Variants in RAB3B observed in about 807,000 individuals in gnomAD.
The protein encoded by RAB3B is ras-related protein Rab-3B.
RAB3B carries 11 observed loss-of-function variants against 20.5 expected under a neutral mutation model. That is an observed-to-expected ratio of 0.54 (90% CI 0.34 to 0.89). The LOEUF is 0.89. Among genes scored for constraint, RAB3B ranks in the 40% least tolerant of loss-of-function variants. The pLI, the probability that RAB3B is intolerant of heterozygous loss-of-function variation, is 0.02. For missense variants in RAB3B, 225 were observed against 280.9 expected, an observed-to-expected ratio of 0.80 and a Z score of 1.42; for synonymous variants, 99 against 106.3, an observed-to-expected ratio of 0.93 and a Z score of 0.42.
rs115079190 is a variant in RAB3B, at chr1:51,953,617, A to G, written c.229-16205T>C. ...TCAGGAGTTCGAGACCAGCCTGACC[A>G]ACATACTAACACGTCTCTACTAAAA... On this transcript the variant is annotated intron_variant, in intron 2 of 4. Coordinates refer to ENST00000371655, the MANE Select transcript of RAB3B (RefSeq NM_002867.4). Among the ~76,000 whole-genome samples the G allele has an allele frequency of 6.3e-3, 958 of 152,322 alleles. 9 individuals are homozygous for G. The highest frequency in any genetic ancestry group is 0.022 in the African/African-American group (907 of 41,562).
chr1:51,981,423 A>G (rs770156949), intron 1 of RAB3B, among the ~76,000 whole-genome samples: 7 of 152,170 alleles, frequency 4.6e-5, no homozygotes, highest in Non-Finnish European at 1.0e-4. Flanking sequence ...CTGATTCCTG[A>G]TCCAGTTCCC....
chr1:51,935,986 A>T (rs1239509162), intron 3 of RAB3B, among the ~76,000 whole-genome samples: 1 of 152,178 alleles, frequency 6.6e-6, no homozygotes, highest in Non-Finnish European at 1.5e-5. Context: ...TGCAGCAGGC[A>T]GCCCACAAGG....
intron 4 of RAB3B, among the ~76,000 whole-genome samples, chr1:51,920,921 T>G (rs997317393): frequency 1.2e-4 from 18 of 152,072 alleles, no homozygotes; most frequent in African/African-American, 4.3e-4. Flanking sequence ...ATCCAATAGA[T>G]CTCACCCTCC....
intron 2 of RAB3B, among the ~76,000 whole-genome samples, chr1:51,944,366 C>G (rs1328863957): frequency 6.6e-6 from 1 of 152,148 alleles, no homozygotes; most frequent in Admixed American, 6.6e-5. Context: ...TGGAGATATA[C>G]AAGGAGATTA....
chr1:51,930,657 T>A (rs1210207944), intron 4 of RAB3B, among the ~76,000 whole-genome samples: 2 of 152,204 alleles, frequency 1.3e-5, no homozygotes, highest in East Asian at 3.8e-4. Flanking sequence ...TTTGAAACAC[T>A]TAGAATAAAT....
chr1:51,928,751 T>C (rs1485471058), intron 4 of RAB3B, among the ~76,000 whole-genome samples: 1 of 152,234 alleles, frequency 6.6e-6, no homozygotes, highest in African/African-American at 2.4e-5. Context: ...TTAGTCCCTG[T>C]GCCATGGCCT....
intron 4 of RAB3B, among the ~76,000 whole-genome samples, chr1:51,922,783 G>A (rs1684189799): frequency 6.6e-6 from 1 of 151,884 alleles, no homozygotes; most frequent in South Asian, 2.1e-4. Context: ...TGCAACCTCT[G>A]CCTCCCGGGT....
In RAB3B at chr1:51,976,880, C is replaced by T. The variant is rs759009798; in HGVS notation, c.228+10G>A. The stretch of plus-strand genomic sequence containing the variant: ...TCAGGAAAATCCTGCCCAAGATTCC[C>T]GGGACTCACCCAGATCTGCAGTTTC... On this transcript the variant is annotated intron_variant, in intron 2 of 4. Transcript: ENST00000371655. 33 of 1,611,270 alleles carry T rather than the reference C, an allele frequency of 2.0e-5. No individual in the cohort carries two copies. Among genetic ancestry groups the T allele is most frequent in the Admixed American group, 1.8e-4 (11 of 59,992 alleles).
At chr1:51,976,363 C>T (rs1263045614) in intron 2 of RAB3B, among the ~76,000 whole-genome samples, 1 of 152,020 alleles carries the variant, frequency 6.6e-6, no homozygotes, top group Non-Finnish European at 1.5e-5. Flanking sequence ...GATGAGGTCT[C>T]ACAATGTTGC....
rs575321952 is a variant in RAB3B at position 51,954,945 on chromosome 1, T to C, written c.229-17533A>G. Reference sequence around the variant, plus strand: ...TGAATGCCAGGTCAAGGTGCTTGGATGTCGTCCTGACGAGAACAGAAAGCC... The same window carrying C: ...TGAATGCCAGGTCAAGGTGCTTGGACGTCGTCCTGACGAGAACAGAAAGCC... On this transcript the variant is annotated intron_variant, in intron 2 of 4. Coordinates refer to ENST00000371655, the MANE Select transcript of RAB3B (RefSeq NM_002867.4). Among the ~76,000 whole-genome samples, 29 of 152,346 alleles carry C rather than the reference T, an allele frequency of 1.9e-4. 1 individual carries two copies. In the East Asian group the frequency reaches 5.6e-3, roughly 29 times the overall value.
intron 4 of RAB3B, among the ~76,000 whole-genome samples, chr1:51,922,000 G>A (rs1485778120): frequency 6.6e-6 from 1 of 152,172 alleles, no homozygotes; most frequent in East Asian, 1.9e-4. Flanking sequence ...ACCTCCAGCT[G>A]ACAGCCTCTC....
intron 2 of RAB3B, among the ~76,000 whole-genome samples, chr1:51,967,521 C>CTTTTTTTTTTTTTCTTTTTTT (rs771044746): frequency 2.7e-5 from 1 of 36,514 alleles, no homozygotes; most frequent in Non-Finnish European, 5.7e-5. Flanking sequence ...TTTTCTTTTT[C>CTTTTTTTTTTTTTCTTTTTTT]TTTTTTTTTT....
chr1:51,952,440 C>T (rs916261171), intron 2 of RAB3B, among the ~76,000 whole-genome samples: 1 of 152,108 alleles, frequency 6.6e-6, no homozygotes, highest in Non-Finnish European at 1.5e-5. Flanking sequence ...CATAGGGCTT[C>T]CTTGCATTGT....
rs1453813099 is a variant in RAB3B at position 51,911,899 on chromosome 1, G to C, written c.*8028C>G. On this transcript the variant is annotated 3_prime_UTR_variant, in exon 5 of 5. Coordinates refer to ENST00000371655, the MANE Select transcript of RAB3B (RefSeq NM_002867.4). ...CTAGAATCACCTGGTTTGGGTTAGG[G>C]AGTAGTAGTACTACTAAAGAAGAGA... The C allele has an allele frequency of 2.6e-5, 4 of 152,164 alleles. No individual in the cohort carries two copies. Among genetic ancestry groups the C allele is most frequent in the African/African-American group, 4.8e-5 (2 of 41,432 alleles). The allele number at this position is 152,164 out of a possible 1,614,324, so 9.4% of individuals were successfully genotyped here. A position where few individuals can be genotyped will look rare whatever the true frequency, so the allele number is the denominator to read the frequency against.
chr1:51,986,064 T>C (rs1223316652), intron 1 of RAB3B, among the ~76,000 whole-genome samples: 1 of 152,022 alleles, frequency 6.6e-6, no homozygotes, highest in East Asian at 1.9e-4. Flanking sequence ...CCCAACACTT[T>C]GGGATGCCAA....
intron 4 of RAB3B, among the ~76,000 whole-genome samples, chr1:51,922,792 G>T (rs937956370): frequency 6.6e-6 from 1 of 152,042 alleles, no homozygotes; most frequent in Non-Finnish European, 1.5e-5. Context: ...TGCCTCCCGG[G>T]TTCAAGCGAT....
Position 51,912,979 on chromosome 1 carries a change from C to T in RAB3B, c.*6948G>A, listed in dbSNP as rs1004607944. 1 of 152,128 alleles carries T rather than the reference C, an allele frequency of 6.6e-6. No homozygotes were observed. Among genetic ancestry groups the T allele is most frequent in the Non-Finnish European group, 1.5e-5 (1 of 68,030 alleles). The allele number at this position is 152,128 out of a possible 1,614,324, so 9.4% of individuals were successfully genotyped here. A position where few individuals can be genotyped will look rare whatever the true frequency, so the allele number is the denominator to read the frequency against. On this transcript the variant is annotated 3_prime_UTR_variant, in exon 5 of 5. Transcript: ENST00000371655. ...CACGTTATTATCAAAGACTTGGCATCTAAAGCCTCGGGACTAGACGAGTAC... is the reference window on the plus strand; with the variant it reads ...CACGTTATTATCAAAGACTTGGCATTTAAAGCCTCGGGACTAGACGAGTAC...
At position 51,920,075 on chromosome 1, in the gene RAB3B, C is replaced by G. The variant is rs1016903272; in HGVS notation, c.512G>C (p.Ser171Thr). 1 of 1,613,920 alleles carries G rather than the reference C, an allele frequency of 6.2e-7. No individual in the cohort carries two copies. The highest frequency in any genetic ancestry group is 1.7e-5 in the Admixed American group (1 of 59,998). ...CAGGCGCTCAAAGGCCTGCCTTACA[C>G]TGATGTTCTCCTTTGCACTGGCTTC... is the stretch of plus-strand genomic sequence containing the variant. The part of the protein sequence containing the change: ...FFEASAKENI[S>T]VRQAFERLVD... The change falls in exon 5 of 5, where the codon AGT becomes ACT. Residue 171 changes from serine (S) to threonine (T), a missense_variant. Coordinates refer to ENST00000371655, the MANE Select transcript of RAB3B (RefSeq NM_002867.4).
chr1:51,952,352 T>C (rs1261213187), intron 2 of RAB3B, among the ~76,000 whole-genome samples: 1 of 152,206 alleles, frequency 6.6e-6, no homozygotes, highest in Admixed American at 6.5e-5. Context: ...AAAACACTCA[T>C]GGATATAGCT....
Sources: allele counts gnomAD v4.1 joint callset (sites outside exome capture counted in the v4.1 genomes callset), GRCh38; gene constraint gnomAD v4.1.1; transcripts MANE v1.5; gene names NCBI Gene and HGNC (gene_info 2026-07-23, HGNC 2026-07-21).